The following TMPO variants were observed in gnomAD, a reference collection of about 807,000 sequenced individuals.
TMPO encodes thymopoietin, also known as LEM domain containing 4.
A neutral mutation model predicts 45.4 loss-of-function variants in TMPO; 22 were observed. The observed-to-expected ratio is 0.48, with a 90% CI of 0.35 to 0.69. The LOEUF (loss-of-function observed/expected upper bound fraction) is 0.69, where lower values mean the gene tolerates loss of function less well. TMPO is among the 30% of genes least tolerant of loss of function. The pLI, the probability that TMPO is intolerant of heterozygous loss-of-function variation, is 0.01. For missense variants in TMPO, 512 were observed against 548.8 expected, an observed-to-expected ratio of 0.93 and a Z score of 0.67; for synonymous variants, 241 against 204.1, an observed-to-expected ratio of 1.18 and a Z score of -1.54.
chr12:98,538,733 G>A (rs1270129938), intron 4 of TMPO, among the ~76,000 whole-genome samples: 1 of 152,176 alleles, frequency 6.6e-6, no homozygotes, highest in Non-Finnish European at 1.5e-5. Flanking sequence ...TTCATTTGAT[G>A]TAGTTGATAA....
chr12:98,518,468 A>ATTTTTTTTT (rs1876063619), intron 1 of TMPO, among the ~76,000 whole-genome samples: 2 of 82,014 alleles, frequency 2.4e-5, no homozygotes, highest in Admixed American at 1.1e-4. Flanking sequence ...TAATTTTCTA[A>ATTTTTTTTT]TCTTTTTTTT....
At chr12:98,518,774 G>A (rs1876096956) in intron 1 of TMPO, among the ~76,000 whole-genome samples, 1 of 151,934 alleles carries the variant, frequency 6.6e-6, no homozygotes, top group Non-Finnish European at 1.5e-5. Flanking sequence ...TAACTACTGG[G>A]TTTAAAACTT....
At chr12:98,542,451 C>CTTTTT (rs35487542) in intron 4 of TMPO, among the ~76,000 whole-genome samples, 1 of 138,308 alleles carries the variant, frequency 7.2e-6, no homozygotes. Flanking sequence ...GGGGCATTTG[C>CTTTTT]TTTTTTTTTT....
intron 3 of TMPO, chr12:98,533,563 T>G: frequency 6.2e-7 from 1 of 1,614,194 alleles, no homozygotes; most frequent in Non-Finnish European, 8.5e-7. Context: ...GAGTGAGAAG[T>G]CAGTGGAGGA....
intron 1 of TMPO, among the ~76,000 whole-genome samples, chr12:98,520,023 G>C (rs909896745): frequency 3.0e-4 from 46 of 151,426 alleles, no homozygotes; most frequent in Non-Finnish European, 1.0e-4. Context: ...GCAGTGGCGT[G>C]ATGTCAGCTC....
intron 4 of TMPO, among the ~76,000 whole-genome samples, chr12:98,538,125 G>A (rs1379489401): frequency 6.6e-6 from 1 of 151,918 alleles, no homozygotes; most frequent in Non-Finnish European, 1.5e-5. Context: ...AATAAGCATA[G>A]GTATAAATGA....
chr12:98,541,937 C>T (rs758041895), intron 4 of TMPO, among the ~76,000 whole-genome samples: 7 of 152,140 alleles, frequency 4.6e-5, no homozygotes, highest in Non-Finnish European at 1.0e-4. Context: ...GAGATCACTC[C>T]ATATCGGAAC....
Position 98,548,155 on chromosome 12 carries a change from A to G in TMPO, c.*297A>G, listed in dbSNP as rs943382486. 1.4e-5 allele frequency: 4 copies of G among 278,394 alleles called. No homozygotes were observed. Among genetic ancestry groups the G allele is most frequent in the African/African-American group, 4.5e-5 (2 of 44,420 alleles). 17.2% of individuals were successfully genotyped at this position (278,394 alleles called of 1,614,324 possible). A position where few individuals can be genotyped will look rare whatever the true frequency, so the allele number is the denominator to read the frequency against. ...TCTTATTTCATTTTTGAAAAAATGT[A>G]TATGTTTTTTGTGTATTTGGGAAAC... On this transcript the variant is annotated 3_prime_UTR_variant, in exon 9 of 9. Coordinates refer to ENST00000556029, the MANE Select transcript of TMPO (RefSeq NM_001032283.3).
intron 4 of TMPO, 137 bp downstream of exon 4, chr12:98,537,709 A>T: frequency 2.5e-6 from 2 of 785,444 alleles, no homozygotes; most frequent in Middle Eastern, 2.2e-4. Context: ...AAATGATACT[A>T]AAAATCTAAA....
At chr12:98,538,388 G>A (rs1448340737) in intron 4 of TMPO, among the ~76,000 whole-genome samples, 1 of 152,094 alleles carries the variant, frequency 6.6e-6, no homozygotes, top group Non-Finnish European at 1.5e-5. Context: ...TTTTGCTCTT[G>A]TCACCCGGGC....
At chr12:98,533,798 C>T in intron 3 of TMPO, 1 of 1,614,186 alleles carries the variant, frequency 6.2e-7, no homozygotes, top group South Asian at 1.1e-5. Context: ...AGGCAGCTGC[C>T]TTCACTGGCA....
At position 98,516,245 on chromosome 12, in the gene TMPO, G is replaced by A. The variant is rs1402206293; in HGVS notation, c.279+99G>A. ...CCCTCCCTCCCGGGCGCCCCCTCGG[G>A]CCTCCCAGGTGCGGGGCTGTCCCTG... On this transcript the variant is annotated intron_variant, in intron 1 of 8. Coordinates refer to ENST00000556029, the MANE Select transcript of TMPO (RefSeq NM_001032283.3). The A allele has an allele frequency of 7.7e-6, 10 of 1,302,674 alleles. No individual in the cohort carries two copies. In the East Asian group the frequency reaches 2.9e-4, roughly 37 times the overall value. The allele number at this position is 1,302,674 out of a possible 1,614,324, so 80.7% of individuals were successfully genotyped here. A position where few individuals can be genotyped will look rare whatever the true frequency, so the allele number is the denominator to read the frequency against.
intron 1 of TMPO, among the ~76,000 whole-genome samples, chr12:98,521,214 T>TC (rs934676218): frequency 2.1e-4 from 32 of 149,760 alleles, no homozygotes; most frequent in African/African-American, 6.6e-4. Flanking sequence ...TTCACGCCAT[T>TC]CTCCTGCCTC....
intron 1 of TMPO, chr12:98,516,374 A>G: frequency 8.3e-7 from 1 of 1,205,334 alleles, no homozygotes; most frequent in Non-Finnish European, 1.0e-6. Flanking sequence ...TGGGTCTGGG[A>G]GGTGTGGAGT....
At chr12:98,535,524 T>C in intron 3 of TMPO, 1 of 985,396 alleles carries the variant, frequency 1.0e-6, no homozygotes, top group Non-Finnish European at 1.2e-6. Flanking sequence ...ATTTGTTGTC[T>C]TCTGAAATGT....
chr12:98,525,824 A>G (rs943219370), intron 1 of TMPO, among the ~76,000 whole-genome samples: 2 of 152,196 alleles, frequency 1.3e-5, no homozygotes, highest in South Asian at 2.1e-4. Flanking sequence ...ATTCCAGTAC[A>G]TAGTCAAATC....
chr12:98,531,215 C>T, intron 2 of TMPO, among the ~76,000 whole-genome samples: 1 of 147,096 alleles, frequency 6.8e-6, no homozygotes, highest in South Asian at 2.1e-4. Flanking sequence ...GCTGGGATTA[C>T]AGGCATCAGC....
intron 1 of TMPO, among the ~76,000 whole-genome samples, chr12:98,524,654 C>T (rs892941596): frequency 6.6e-6 from 1 of 152,006 alleles, no homozygotes; most frequent in Non-Finnish European, 1.5e-5. Flanking sequence ...AGGGCAGTGG[C>T]ATGATGTCGA....
intron 7 of TMPO, 36 bp from the exon 8 acceptor site, chr12:98,546,323 T>A: frequency 7.1e-7 from 1 of 1,403,602 alleles, no homozygotes; most frequent in Non-Finnish European, 1.0e-6. Flanking sequence ...CACTAAATTT[T>A]AACTTGTGGT....
Sources: allele counts gnomAD v4.1 joint callset (sites outside exome capture counted in the v4.1 genomes callset), GRCh38; gene constraint gnomAD v4.1.1; transcripts MANE v1.5; gene names NCBI Gene and HGNC (gene_info 2026-07-23, HGNC 2026-07-21).